SHANK2: variants seen among roughly 807,000 people sequenced by gnomAD.
SHANK2 encodes SH3 and multiple ankyrin repeat domains 2.
A neutral mutation model predicts 133.7 loss-of-function variants in SHANK2; 43 were observed. The observed-to-expected ratio is 0.32, with a 90% CI of 0.25 to 0.41. SHANK2 has a LOEUF of 0.41. SHANK2 is among the 10% of genes least tolerant of loss of function. The pLI is 1.00. For missense variants in SHANK2, 1,994 were observed against 2,235.8 expected (o/e 0.89, Z 2.18); for synonymous variants, 1,017 against 952.8 (o/e 1.07, Z -1.24).
At chr11:70,719,745 C>G (rs1555028524) in intron 14 of SHANK2, among the ~76,000 whole-genome samples, 1 of 151,374 alleles carries the variant, frequency 6.6e-6, no homozygotes, top group South Asian at 2.1e-4. Flanking sequence ...CACAACAGCC[C>G]CGCGCTCCCC....
intron 9 of SHANK2, among the ~76,000 whole-genome samples, chr11:71,062,961 C>T (rs1366702558): frequency 1.5e-5 from 2 of 130,354 alleles, no homozygotes; most frequent in African/African-American, 5.9e-5. Context: ...CGTGCCACTG[C>T]ATTCCAGCCT....
chr11:70,788,166 G>T (rs1406118309), intron 14 of SHANK2, among the ~76,000 whole-genome samples: 1 of 152,180 alleles, frequency 6.6e-6, no homozygotes, highest in Non-Finnish European at 1.5e-5. Context: ...TGGGAGGTGT[G>T]ACAGCCAAGA....
At chr11:70,661,520 C>T (rs2061489142) in intron 16 of SHANK2, 76 bp downstream of exon 16, 2 of 301,608 alleles carry the variant, frequency 6.6e-6, no homozygotes, top group Non-Finnish European at 1.3e-5. Flanking sequence ...CACACACACA[C>T]ACACACACAC....
intron 11 of SHANK2, among the ~76,000 whole-genome samples, chr11:70,885,902 C>G (rs574063902): frequency 6.6e-6 from 1 of 152,302 alleles, no homozygotes; most frequent in South Asian, 2.1e-4. Context: ...CCAGTCAACT[C>G]CGCTTTACAA....
At chr11:70,749,621 A>G (rs1181401158) in intron 14 of SHANK2, among the ~76,000 whole-genome samples, 4 of 152,250 alleles carry the variant, frequency 2.6e-5, no homozygotes, top group African/African-American at 9.6e-5. Context: ...TAATGCCACT[A>G]TTGTAACTAT....
chr11:70,678,813 T>C (rs1319162813), intron 15 of SHANK2, among the ~76,000 whole-genome samples: 9 of 152,178 alleles, frequency 5.9e-5, no homozygotes, highest in Non-Finnish European at 1.2e-4. Context: ...AGTGCTAGGA[T>C]TACAGGCATG....
intron 11 of SHANK2, among the ~76,000 whole-genome samples, chr11:70,851,803 T>G (rs536618607): frequency 6.6e-6 from 1 of 152,220 alleles, no homozygotes; most frequent in African/African-American, 2.4e-5. Context: ...GACCCAGAGC[T>G]TGGGGTCCAG....
intron 15 of SHANK2, among the ~76,000 whole-genome samples, chr11:70,673,256 G>A (rs1424072325): frequency 6.6e-6 from 1 of 151,654 alleles, no homozygotes; most frequent in African/African-American, 2.4e-5. Flanking sequence ...AAGTCACACT[G>A]AAGCCTCAGC....
intron 10 of SHANK2, among the ~76,000 whole-genome samples, chr11:70,918,764 C>A (rs1430530816): frequency 6.6e-6 from 1 of 152,176 alleles, no homozygotes; most frequent in African/African-American, 2.4e-5. Context: ...CCTCAGCCTC[C>A]CAAAATGCTG....
At position 70,804,244 on chromosome 11, in the gene SHANK2, G is replaced by T. The variant is rs529715589; in HGVS notation, c.1663+2758C>A. On this transcript the variant is annotated intron_variant, in intron 13 of 25. Coordinates refer to ENST00000601538, the MANE Select transcript of SHANK2 (RefSeq NM_012309.5). The surrounding 1 kb of genome is among the most constrained non-coding windows in gnomAD (Gnocchi z 4.1). ...AACGGCCTTGGCTCTGCAGGCAGTG[G>T]ATCGGCTCGACCCGCCCGCCTCTAA... is the stretch of plus-strand genomic sequence containing the variant. Among the ~76,000 whole-genome samples the T allele has an allele frequency of 6.6e-6, 1 of 152,280 alleles. No individual in the cohort carries two copies. The highest frequency in any genetic ancestry group is 1.5e-5 in the Non-Finnish European group (1 of 68,002).
chr11:70,751,300 T>A (rs774185155), intron 14 of SHANK2, among the ~76,000 whole-genome samples: 14 of 152,198 alleles, frequency 9.2e-5, no homozygotes, highest in Non-Finnish European at 1.6e-4. Flanking sequence ...ATGACATATT[T>A]CATACAGAAG....
chr11:71,138,707 G>T (rs560327611), intron 3 of SHANK2, among the ~76,000 whole-genome samples: 32 of 150,970 alleles, frequency 2.1e-4, no homozygotes, highest in African/African-American at 7.6e-4. Flanking sequence ...AGCTGAAGCA[G>T]GAAGATCCCT....
At chr11:70,663,018 C>T (rs971915451) in intron 15 of SHANK2, among the ~76,000 whole-genome samples, 1 of 152,174 alleles carries the variant, frequency 6.6e-6, no homozygotes, top group South Asian at 2.1e-4. Context: ...AGGGAGGCAG[C>T]GTGGAGGGAG....
chr11:70,499,489 A>G (rs2059019504), intron 21 of SHANK2, among the ~76,000 whole-genome samples: 1 of 152,128 alleles, frequency 6.6e-6, no homozygotes, highest in Non-Finnish European at 1.5e-5. Context: ...CTGACAAGGG[A>G]CTTCTGTTGT....
At chr11:70,940,094 A>C (rs781989705) in intron 10 of SHANK2, among the ~76,000 whole-genome samples, 6 of 147,994 alleles carry the variant, frequency 4.1e-5, no homozygotes, top group African/African-American at 9.9e-5. Context: ...TCCAGAAGGA[A>C]GGCAGCCCCA....
intron 6 of SHANK2, among the ~76,000 whole-genome samples, chr11:71,095,747 C>T (rs1555095256): frequency 6.6e-6 from 1 of 152,228 alleles, no homozygotes; most frequent in Non-Finnish European, 1.5e-5. Context: ...CATGGGTACC[C>T]TCCTGAGGAC....
At chr11:70,652,221 C>T (rs1433817431) in intron 17 of SHANK2, among the ~76,000 whole-genome samples, 2 of 152,168 alleles carry the variant, frequency 1.3e-5, no homozygotes, top group Non-Finnish European at 2.9e-5. Context: ...ATATGCCTGC[C>T]AGGGACTTTG....
chr11:70,622,003 T>C (rs1247998969), intron 17 of SHANK2, among the ~76,000 whole-genome samples: 1 of 152,110 alleles, frequency 6.6e-6, no homozygotes, highest in Non-Finnish European at 1.5e-5. Flanking sequence ...GCCGGGAGGT[T>C]CTGGAGCTGA....
At chr11:70,620,998 T>C (rs1247881369) in intron 17 of SHANK2, among the ~76,000 whole-genome samples, 1 of 152,214 alleles carries the variant, frequency 6.6e-6, no homozygotes, top group Non-Finnish European at 1.5e-5. Flanking sequence ...ACGTAATATC[T>C]GTGTGACCAC....
Sources: gnomAD v4.1 joint callset for allele counts (sites outside exome capture counted in the v4.1 genomes callset) on GRCh38, gnomAD v4.1.1 for gene constraint, Gnocchi (gnomAD v3.1) non-coding constraint, MANE v1.5 for transcripts, NCBI Gene and HGNC (gene_info 2026-07-23, HGNC 2026-07-21) for gene names.